Variants in NDFIP2 observed in about 807,000 individuals in gnomAD.
The protein encoded by NDFIP2 is Nedd4 family interacting protein 2.
NDFIP2 carries 19 observed loss-of-function variants against 36.0 expected under a neutral mutation model. That is an observed-to-expected ratio of 0.53 (90% confidence interval 0.37 to 0.77). The LOEUF (loss-of-function observed/expected upper bound fraction) is 0.77, where lower values mean the gene tolerates loss of function less well. Among genes scored for constraint, NDFIP2 ranks in the 30% least tolerant of loss-of-function variants. The pLI, the probability that NDFIP2 is intolerant of heterozygous loss-of-function variation, is 0.00. For missense variants in NDFIP2, 446 were observed against 435.8 expected, an observed-to-expected ratio of 1.02 and a Z score of -0.21; for synonymous variants, 181 against 167.7, an observed-to-expected ratio of 1.08 and a Z score of -0.61.
At chr13:79,532,877 G>A (rs1875070045) in intron 2 of NDFIP2, among the ~76,000 whole-genome samples, 1 of 152,184 alleles carries the variant, frequency 6.6e-6, no homozygotes. Flanking sequence ...TAAGATCAAT[G>A]TATACAGAAG....
chr13:79,490,367 T>C (rs1275723750), intron 1 of NDFIP2, among the ~76,000 whole-genome samples: 1 of 152,192 alleles, frequency 6.6e-6, no homozygotes, highest in East Asian at 1.9e-4. Context: ...GGATTCCTCC[T>C]GAGTGGTGGT....
intron 4 of NDFIP2, among the ~76,000 whole-genome samples, chr13:79,542,264 A>C (rs1314539739): frequency 3.3e-5 from 5 of 152,224 alleles, no homozygotes; most frequent in Admixed American, 3.3e-4. Flanking sequence ...ATGCCATGAT[A>C]ATAAGTAATC....
intron 1 of NDFIP2, among the ~76,000 whole-genome samples, chr13:79,495,726 T>C (rs1873410613): frequency 6.6e-6 from 1 of 151,888 alleles, no homozygotes; most frequent in Admixed American, 6.6e-5. Flanking sequence ...TTACGTCTAC[T>C]GTTATATTGT....
At chr13:79,535,110 A>G (rs1372786322) in intron 3 of NDFIP2, among the ~76,000 whole-genome samples, 3 of 152,164 alleles carry the variant, frequency 2.0e-5, no homozygotes, top group Non-Finnish European at 4.4e-5. Flanking sequence ...TAAATAGGGT[A>G]TTTTTGTCTA....
chr13:79,481,267 G>A lies in NDFIP2; in HGVS notation c.64G>A (p.Gly22Ser), dbSNP rs1171360085. The change falls in exon 1 of 8, where the codon GGC (glycine) becomes AGC (serine). Residue 22 changes from glycine to serine, a missense_variant. This residue lies in a region of NDFIP2 where 369 missense variants were observed against 304.8 expected (regional missense o/e 1.21). Coordinates refer to ENST00000218652, the MANE Select transcript of NDFIP2 (RefSeq NM_019080.3). ...TCCGAGCATGCTCAATAGCGCGCGCGGCGCCCCGGAGCTTCTCCGCGGAAC... is the reference window on the plus strand; with the variant it reads ...TCCGAGCATGCTCAATAGCGCGCGCAGCGCCCCGGAGCTTCTCCGCGGAAC... ...SGPSMLNSAR[G>S]APELLRGTAT... is the part of the protein sequence containing the mutation. 12 of 1,536,452 alleles carry A rather than the reference G, an allele frequency of 7.8e-6. No homozygotes were observed. In the Admixed American group the frequency reaches 9.8e-5, roughly 13 times the overall value.
intron 1 of NDFIP2, among the ~76,000 whole-genome samples, chr13:79,500,217 C>G (rs1873605521): frequency 6.8e-6 from 1 of 146,574 alleles, no homozygotes; most frequent in Non-Finnish European, 1.5e-5. Context: ...ACCCTCTACA[C>G]AAATTAACTC....
intron 1 of NDFIP2, among the ~76,000 whole-genome samples, chr13:79,510,897 G>A (rs892856100): frequency 6.6e-6 from 1 of 151,508 alleles, no homozygotes; most frequent in Non-Finnish European, 1.5e-5. Flanking sequence ...TACTTGGGAG[G>A]CTGAGGCAGG....
chr13:79,481,657 C>G (rs910624809), intron 1 of NDFIP2, 133 bp downstream of exon 1: 4 of 1,150,814 alleles, frequency 3.5e-6, no homozygotes, highest in Non-Finnish European at 4.8e-6. Context: ...TTTTTTGGAT[C>G]TTCTGGCTGG....
intron 4 of NDFIP2, among the ~76,000 whole-genome samples, chr13:79,540,619 AAAT>A (rs1875417409): frequency 6.6e-6 from 1 of 152,200 alleles, no homozygotes; most frequent in South Asian, 2.1e-4. Flanking sequence ...TAAAACCGAG[AAAT>A]AATTTACTTA....
intron 3 of NDFIP2, among the ~76,000 whole-genome samples, chr13:79,536,270 T>C (rs1032866139): frequency 5.3e-5 from 8 of 152,216 alleles, no homozygotes; most frequent in African/African-American, 1.9e-4. Context: ...TTGTAACTTG[T>C]TTTAAATTGT....
intron 7 of NDFIP2, among the ~76,000 whole-genome samples, chr13:79,551,944 A>G (rs573677329): frequency 2.0e-5 from 3 of 151,538 alleles, no homozygotes; most frequent in South Asian, 2.1e-4. Flanking sequence ...ATGCAGGACT[A>G]TAAGGAACAA....
intron 1 of NDFIP2, among the ~76,000 whole-genome samples, chr13:79,515,690 G>T (rs568303828): frequency 1.3e-5 from 2 of 152,180 alleles, no homozygotes; most frequent in East Asian, 3.9e-4. Flanking sequence ...CTATTTAATG[G>T]GTACATTTCT....
At position 79,498,945 on chromosome 13, in the gene NDFIP2, A is replaced by G. The variant is rs543668385; in HGVS notation, c.321+17421A>G. ...CATTACCCTAATATCAAAGCCAGAC[A>G]AGACATTGTAAGAAATCTACAGACC... On this transcript the variant is annotated intron_variant, in intron 1 of 7. Transcript: ENST00000218652. Among the ~76,000 whole-genome samples the G allele has an allele frequency of 9.2e-5, 14 of 152,114 alleles. No homozygotes were observed. In the East Asian group the frequency reaches 2.3e-3, roughly 25 times the overall value.
chr13:79,507,827 G>A (rs1486212700), intron 1 of NDFIP2, among the ~76,000 whole-genome samples: 1 of 150,972 alleles, frequency 6.6e-6, no homozygotes, highest in Non-Finnish European at 1.5e-5. Context: ...TTGAGATCTT[G>A]AACTTTTTTT....
intron 1 of NDFIP2, among the ~76,000 whole-genome samples, chr13:79,491,812 G>A (rs1015913061): frequency 3.9e-5 from 6 of 152,066 alleles, no homozygotes; most frequent in African/African-American, 1.2e-4. Context: ...GTATGTCTCT[G>A]TTTTCGGGCC....
chr13:79,522,652 G>A (rs1874631697), intron 2 of NDFIP2, among the ~76,000 whole-genome samples: 1 of 152,092 alleles, frequency 6.6e-6, no homozygotes, highest in Non-Finnish European at 1.5e-5. Context: ...TCACAAGTTT[G>A]GTGGTTTATA....
At chr13:79,488,584 G>A (rs1328631786) in intron 1 of NDFIP2, among the ~76,000 whole-genome samples, 1 of 152,090 alleles carries the variant, frequency 6.6e-6, no homozygotes, top group East Asian at 1.9e-4. Context: ...CCCTTTGTCA[G>A]ATTTATGCTA....
At chr13:79,506,326 G>A (rs981898577) in intron 1 of NDFIP2, among the ~76,000 whole-genome samples, 7 of 152,068 alleles carry the variant, frequency 4.6e-5, no homozygotes, top group Non-Finnish European at 1.0e-4. Context: ...GACACACACA[G>A]ACACAACTCT....
At chr13:79,504,000 T>A (rs1226472893) in intron 1 of NDFIP2, among the ~76,000 whole-genome samples, 1 of 152,098 alleles carries the variant, frequency 6.6e-6, no homozygotes, top group Non-Finnish European at 1.5e-5. Context: ...CTTTGAGGGA[T>A]GTAGTGCCAT....
Sources: allele counts gnomAD v4.1 joint callset (sites outside exome capture counted in the v4.1 genomes callset), GRCh38; gene constraint gnomAD v4.1.1; regional missense constraint gnomAD v4.1.1; transcripts MANE v1.5; gene names NCBI Gene and HGNC (gene_info 2026-07-23, HGNC 2026-07-21).